The following CDH3 variants were observed in gnomAD, a reference collection of about 807,000 sequenced individuals.
CDH3 encodes cadherin-3.
CDH3 carries 54 observed loss-of-function variants against 82.0 expected under a neutral mutation model. The observed-to-expected ratio is 0.66, with a 90% CI of 0.53 to 0.83. CDH3 has a LOEUF of 0.83. Among genes scored for constraint, CDH3 ranks in the 40% least tolerant of loss-of-function variants. CDH3 has a pLI of 0.00. For synonymous variants in CDH3, 446 were observed against 437.9 expected, an observed-to-expected ratio of 1.02 and a Z score of -0.23; for missense variants, 1,054 against 1,084.6, an observed-to-expected ratio of 0.97 and a Z score of 0.40.
chr16:68,698,731 T>A lies in CDH3; in HGVS notation c.*331T>A. The A allele has an allele frequency of 3.2e-6, 1 of 315,180 alleles. No individual in the cohort carries two copies. Among genetic ancestry groups the A allele is most frequent in the Non-Finnish European group, 5.9e-6 (1 of 170,526 alleles). The allele number at this position is 315,180 out of a possible 1,614,324, so 19.5% of individuals were successfully genotyped here. A position where few individuals can be genotyped will look rare whatever the true frequency, so the allele number is the denominator to read the frequency against. ...CTGCTGTGACTGACCTACAGTGGAC[T>A]TTCTCTCTGGAATGGAACCTTCTTA... On this transcript the variant is annotated 3_prime_UTR_variant, in exon 16 of 16. Transcript: ENST00000264012.
At chr16:68,656,207 C>T (rs1960405930) in intron 2 of CDH3, among the ~76,000 whole-genome samples, 2 of 151,956 alleles carry the variant, frequency 1.3e-5, no homozygotes, top group Admixed American at 1.3e-4. Flanking sequence ...CCAGTTGTAC[C>T]AGTATGGAGA....
At chr16:68,690,718 T>C (rs8048191) in intron 12 of CDH3, among the ~76,000 whole-genome samples, 93,801 of 151,974 alleles carry the variant, frequency 0.62, 29,178 homozygotes, top group African/African-American at 0.67. Flanking sequence ...ACCAGCCTGG[T>C]CAAGATGGTG....
Position 68,645,667 on chromosome 16 carries a change from C to A in CDH3, c.77C>A (p.Pro26Gln), listed in dbSNP as rs1333370151. 6.5e-7 allele frequency: 1 copy of A among 1,544,424 alleles called. No homozygotes were observed. Among genetic ancestry groups the A allele is most frequent in the South Asian group, 1.2e-5 (1 of 83,972 alleles). The change falls in exon 2 of 16, where the codon CCG becomes CAG. Residue 26 changes from proline to glutamine, a missense_variant. Transcript: ENST00000264012. ...TGGCTGCAGTGCGCGGCCTCCGAGC[C>A]GTGCCGGGCGGTCTTCAGGGAGGCT... is the stretch of plus-strand genomic sequence containing the variant. The part of the protein sequence containing the change: ...VCWLQCAASE[P>Q]CRAVFREAEV...
chr16:68,671,611 T>C (rs558906422), intron 2 of CDH3, among the ~76,000 whole-genome samples: 1 of 149,438 alleles, frequency 6.7e-6, no homozygotes, highest in East Asian at 2.0e-4. Flanking sequence ...AACCTCTGTC[T>C]CCTGGGTTCA....
chr16:68,695,335 C>G lies in CDH3; in HGVS notation c.2083C>G (p.Arg695Gly), dbSNP rs202110644. Residue 695 changes from arginine (R) to glycine (G), a missense_variant, in exon 14 of 16, where the codon CGT becomes GGT. Arg to Gly is a moderately radical substitution (Grantham distance 125, BLOSUM62 -2). Coordinates refer to ENST00000264012, the MANE Select transcript of CDH3 (RefSeq NM_001793.6). ...CCTCCTACTCCCAGAAGATGACACC[C>G]GTGACAACGTCTTCTACTATGGCGA... ...EPLLLPEDDT[R>G]DNVFYYGEEG... The G allele has an allele frequency of 6.2e-6, 10 of 1,613,982 alleles. No individual in the cohort carries two copies. In the East Asian group the frequency reaches 1.8e-4, roughly 29 times the overall value.
intron 1 of CDH3, 42 bp downstream of exon 1, chr16:68,645,466 C>A: frequency 6.2e-7 from 1 of 1,606,328 alleles, no homozygotes; most frequent in Admixed American, 1.7e-5. Context: ...GGACCGCTCC[C>A]TGGGGGGCGG....
At position 68,707,667 on chromosome 16, in the gene CDH3, G is replaced by A. The variant is rs1171107995; in HGVS notation, c.99+11744G>A. Among the ~76,000 whole-genome samples the A allele has an allele frequency of 1.3e-5, 2 of 152,186 alleles. No individual in the cohort carries two copies. Among genetic ancestry groups the A allele is most frequent in the Non-Finnish European group, 2.9e-5 (2 of 68,024 alleles). ...GAAAGGAGACCCCTAGGAGGCGATGGTGGAAAAGCACTCAGTGTTTAGCGC... is the reference window on the plus strand; with the variant it reads ...GAAAGGAGACCCCTAGGAGGCGATGATGGAAAAGCACTCAGTGTTTAGCGC... On this transcript the variant is annotated intron_variant, in intron 1 of 2. Transcript: ENST00000569080. This position sits in a 1 kb window ranked among gnomAD's most constrained non-coding sequence, Gnocchi z 4.5.
chr16:68,654,699 T>A (rs1472231732), intron 2 of CDH3, among the ~76,000 whole-genome samples: 1 of 87,060 alleles, frequency 1.1e-5, no homozygotes. Flanking sequence ...CAAGACTCTG[T>A]CTCAAAAAAA....
chr16:68,654,305 C>T (rs898725676), intron 2 of CDH3, among the ~76,000 whole-genome samples: 12 of 149,296 alleles, frequency 8.0e-5, no homozygotes, highest in Non-Finnish European at 1.5e-4. Flanking sequence ...GTGATCTACC[C>T]GCCTTGGCCT....
chr16:68,646,046 C>A, intron 2 of CDH3: 1 of 451,088 alleles, frequency 2.2e-6, no homozygotes, highest in Non-Finnish European at 4.0e-6. Context: ...GGGAAGTTCT[C>A]CCCCGCTGGC....
At chr16:68,664,558 A>G (rs1111721) in intron 2 of CDH3, among the ~76,000 whole-genome samples, 52,633 of 152,058 alleles carry the variant, frequency 0.35, 10,046 homozygotes, top group East Asian at 0.63. Context: ...ATGTTTGGGA[A>G]TCACTGCTCT....
chr16:68,678,934 C>T (rs369822985), intron 6 of CDH3, 28 bp downstream of exon 6: 153 of 1,610,812 alleles, frequency 9.5e-5, no homozygotes, highest in Middle Eastern at 1.6e-4. Context: ...GGGACTGCTA[C>T]GGGGCTGGGC....
chr16:68,706,544 C>CTTTTTTTT (rs34364461), intron 1 of CDH3, among the ~76,000 whole-genome samples: 2 of 81,628 alleles, frequency 2.5e-5, no homozygotes, highest in South Asian at 4.9e-4. Context: ...GTCACATTTC[C>CTTTTTTTT]TTTTTTTTTT....
At chr16:68,724,958 C>T (rs976521650) in intron 2 of CDH3, among the ~76,000 whole-genome samples, 2 of 152,104 alleles carry the variant, frequency 1.3e-5, no homozygotes, top group African/African-American at 4.8e-5. Context: ...CTCTCCGTCC[C>T]AAGTAGACAG....
chr16:68,682,598 C>A, intron 9 of CDH3, 111 bp downstream of exon 9: 1 of 961,956 alleles, frequency 1.0e-6, no homozygotes, highest in Non-Finnish European at 1.7e-6. Context: ...TCGTACCAGC[C>A]CAGTGGCTCC....
chr16:68,695,822 G>A lies in CDH3; in HGVS notation c.2179G>A (p.Glu727Lys), dbSNP rs762093188. Residue 727 changes from glutamate to lysine, a missense_variant, in exon 15 of 16, where the codon GAG becomes AAG. By Grantham distance (56) the Glu-to-Lys change is moderately conservative. Transcript: ENST00000264012. ...QLHRGLEARP[E>K]VVLRNDVAPT... The stretch of plus-strand genomic sequence containing the variant: ...CCACCGAGGTCTGGAGGCCAGGCCG[G>A]AGGTGGTTCTCCGCAATGACGTGGC... The A allele has an allele frequency of 5.0e-6, 8 of 1,614,006 alleles. No homozygotes were observed. In the South Asian group the frequency reaches 8.8e-5, roughly 18 times the overall value.
chr16:68,651,961 G>C (rs376767261), intron 2 of CDH3: 1 of 326,898 alleles, frequency 3.1e-6, no homozygotes, highest in South Asian at 2.9e-5. Context: ...AATACGGCTG[G>C]CAGGTGCGGT....
At chr16:68,731,515 T>TAC (rs1184478445), downstream of CDH3, among the ~76,000 whole-genome samples, 211 of 33,678 alleles carry the variant, frequency 6.3e-3, 26 homozygotes, top group East Asian at 0.028. Context: ...CACACACATA[T>TAC]ACACACACAC....
intron 13 of CDH3, among the ~76,000 whole-genome samples, 181 bp downstream of exon 13, chr16:68,692,107 G>A (rs533332228): frequency 6.7e-4 from 102 of 152,232 alleles, no homozygotes; most frequent in African/African-American, 2.3e-3. Flanking sequence ...CATGATCTCG[G>A]CTCATTGCAA....
Sources: allele counts gnomAD v4.1 joint callset (sites outside exome capture counted in the v4.1 genomes callset), GRCh38; gene constraint gnomAD v4.1.1; non-coding constraint Gnocchi (gnomAD v3.1); transcripts MANE v1.5; gene names NCBI Gene and HGNC (gene_info 2026-07-23, HGNC 2026-07-21).